The following GNA14 variants were observed in gnomAD, a reference collection of about 807,000 sequenced individuals.
GNA14 encodes guanine nucleotide-binding protein subunit alpha-14.
A neutral mutation model predicts 42.0 loss-of-function variants in GNA14; 50 were observed. The observed-to-expected ratio is 1.19, with a 90% CI of 0.95 to 1.51. The LOEUF (loss-of-function observed/expected upper bound fraction) is 1.51. Ranked by LOEUF, GNA14 falls within the 40% of genes most tolerant of loss-of-function variation. The pLI, the probability that GNA14 is intolerant of heterozygous loss-of-function variation, is 0.00. For missense variants in GNA14, 473 were observed against 446.2 expected (o/e 1.06, Z -0.54); for synonymous variants, 173 against 163.1 (o/e 1.06, Z -0.46).
chr9:77,564,552 G>A (rs1352839990), intron 1 of GNA14, among the ~76,000 whole-genome samples: 2 of 152,074 alleles, frequency 1.3e-5, no homozygotes, highest in East Asian at 3.9e-4. Context: ...ATTATGGCTG[G>A]GCATGGTGGC....
chr9:77,450,033 C>A (rs1323636283), intron 2 of GNA14, among the ~76,000 whole-genome samples: 4 of 152,116 alleles, frequency 2.6e-5, no homozygotes, highest in Non-Finnish European at 5.9e-5. Context: ...GGACCTGGGC[C>A]GAAGGACATT....
intron 1 of GNA14, among the ~76,000 whole-genome samples, chr9:77,589,680 G>A (rs921903951): frequency 2.2e-4 from 33 of 152,108 alleles, no homozygotes; most frequent in Admixed American, 3.9e-4. Flanking sequence ...TGGGTAAACC[G>A]CAGGTTGCCT....
At chr9:77,647,267 C>T (rs1824371827) in intron 1 of GNA14, among the ~76,000 whole-genome samples, 1 of 152,184 alleles carries the variant, frequency 6.6e-6, no homozygotes. Context: ...GATGCTTCAT[C>T]TAGAACTGAA....
chr9:77,423,975 G>C lies in GNA14; in HGVS notation c.*4C>G, dbSNP rs371197023. The C allele has an allele frequency of 5.7e-6, 9 of 1,573,886 alleles. No individual in the cohort carries two copies. The African/African-American group carries it at 1.2e-4, about 21-fold the overall frequency. On this transcript the variant is annotated 3_prime_UTR_variant, in exon 7 of 7. Transcript: ENST00000341700. Reference sequence around the variant, plus strand: ...TGTTATAGGGGAGGAGTGGGCAGCAGCTTTTAGACAAGGTTGAATTCCCTT... The same window carrying C: ...TGTTATAGGGGAGGAGTGGGCAGCACCTTTTAGACAAGGTTGAATTCCCTT...
chr9:77,479,844 C>T (rs1317043040), intron 2 of GNA14, among the ~76,000 whole-genome samples: 1 of 152,014 alleles, frequency 6.6e-6, no homozygotes, highest in African/African-American at 2.4e-5. Flanking sequence ...TGATTTGGCT[C>T]TCTGTTTGTC....
intron 1 of GNA14, among the ~76,000 whole-genome samples, chr9:77,579,637 C>A (rs1377430783): frequency 1.3e-5 from 2 of 152,094 alleles, no homozygotes; most frequent in Non-Finnish European, 2.9e-5. Flanking sequence ...TATAGGCATG[C>A]CAAATAGACT....
At chr9:77,628,504 T>C (rs1824046116) in intron 1 of GNA14, among the ~76,000 whole-genome samples, 1 of 152,176 alleles carries the variant, frequency 6.6e-6, no homozygotes, top group African/African-American at 2.4e-5. Context: ...AAGGCTACAG[T>C]AACCAAAACA....
At chr9:77,485,703 A>T (rs534352139) in intron 2 of GNA14, among the ~76,000 whole-genome samples, 17 of 151,538 alleles carry the variant, frequency 1.1e-4, no homozygotes, top group Middle Eastern at 6.8e-3. Context: ...GCAACCATTT[A>T]AAAAAAAACA....
intron 2 of GNA14, among the ~76,000 whole-genome samples, chr9:77,492,719 G>A (rs2131737276): frequency 6.6e-6 from 1 of 151,882 alleles, no homozygotes; most frequent in Admixed American, 6.6e-5. Context: ...AAAATACTTG[G>A]GGCCAGGCAC....
intron 1 of GNA14, among the ~76,000 whole-genome samples, chr9:77,593,391 G>C (rs1232140563): frequency 2.0e-5 from 3 of 150,350 alleles, no homozygotes; most frequent in Non-Finnish European, 4.4e-5. Flanking sequence ...GCAGTGGTGT[G>C]ATCTTGGCTC....
At chr9:77,475,447 C>T (rs1836401855) in intron 2 of GNA14, among the ~76,000 whole-genome samples, 1 of 152,188 alleles carries the variant, frequency 6.6e-6, no homozygotes, top group African/African-American at 2.4e-5. Context: ...AGTTATTGTA[C>T]ATTACCTAAA....
chr9:77,586,770 T>G (rs1164593895), intron 1 of GNA14, among the ~76,000 whole-genome samples: 1 of 152,180 alleles, frequency 6.6e-6, no homozygotes, highest in African/African-American at 2.4e-5. Flanking sequence ...CCTTTTATTA[T>G]GCAGATAGGT....
chr9:77,427,015 T>G (rs753287558), intron 5 of GNA14, among the ~76,000 whole-genome samples: 3 of 152,146 alleles, frequency 2.0e-5, no homozygotes, highest in Non-Finnish European at 4.4e-5. Flanking sequence ...TTAAAATTAT[T>G]ATGATCTGAA....
At chr9:77,645,125 C>T (rs925918548) in intron 1 of GNA14, among the ~76,000 whole-genome samples, 1 of 152,220 alleles carries the variant, frequency 6.6e-6, no homozygotes, top group Non-Finnish European at 1.5e-5. Context: ...GAAACATCCT[C>T]ACATCATTTT....
chr9:77,437,382 C>G (rs968374438), intron 2 of GNA14, among the ~76,000 whole-genome samples: 8 of 152,054 alleles, frequency 5.3e-5, no homozygotes, highest in African/African-American at 1.9e-4. Context: ...CTGTCTCTAC[C>G]AAAAACATTA....
chr9:77,450,908 C>A (rs1290921802), intron 2 of GNA14, among the ~76,000 whole-genome samples: 1 of 152,120 alleles, frequency 6.6e-6, no homozygotes, highest in East Asian at 1.9e-4. Context: ...CCTGCACACA[C>A]TGTCTTGCCT....
intron 1 of GNA14, among the ~76,000 whole-genome samples, chr9:77,602,434 T>C (rs1002928891): frequency 4.6e-5 from 7 of 152,238 alleles, no homozygotes; most frequent in African/African-American, 1.7e-4. Flanking sequence ...AACAGAATCC[T>C]ACAATTATTT....
chr9:77,505,082 A>G (rs958979032), intron 2 of GNA14, among the ~76,000 whole-genome samples: 5 of 152,176 alleles, frequency 3.3e-5, no homozygotes, highest in Admixed American at 6.5e-5. Flanking sequence ...TTTCAACTGG[A>G]GAACTGATGA....
intron 1 of GNA14, among the ~76,000 whole-genome samples, chr9:77,644,437 C>CAAAAAAAAAAAAAAAAAAAAAAAAAAA (rs764737417): frequency 2.1e-4 from 7 of 34,022 alleles, no homozygotes; most frequent in African/African-American, 2.3e-4. Context: ...TAAAGAGTGT[C>CAAAAAAAAAAAAAAAAAAAAAAAAAAA]AAAAAAAAAA....
Sources: allele counts gnomAD v4.1 joint callset (sites outside exome capture counted in the v4.1 genomes callset), GRCh38; gene constraint gnomAD v4.1.1; transcripts MANE v1.5; gene names NCBI Gene and HGNC (gene_info 2026-07-23, HGNC 2026-07-21).